The following CFAP251 variants were observed in gnomAD, a reference collection of about 807,000 sequenced individuals.
CFAP251 encodes cilia and flagella associated protein 251, also known as cilia- and flagella-associated protein 251.
Under a neutral mutation model 126.7 loss-of-function variants are expected in CFAP251, and 93 were observed. That is an observed-to-expected ratio of 0.73 (90% confidence interval 0.62 to 0.87). The LOEUF (loss-of-function observed/expected upper bound fraction) is 0.87. Ranked by LOEUF, CFAP251 falls within the 40% of genes least tolerant of loss-of-function variation. The pLI is 0.00. For synonymous variants in CFAP251, 503 were observed against 506.9 expected, an observed-to-expected ratio of 0.99 and a Z score of 0.10; for missense variants, 1,287 against 1,389.2, an observed-to-expected ratio of 0.93 and a Z score of 1.17.
intron 19 of CFAP251, among the ~76,000 whole-genome samples, chr12:121,985,109 G>C (rs1882714642): frequency 6.6e-6 from 1 of 152,174 alleles, no homozygotes; most frequent in Non-Finnish European, 1.5e-5. Flanking sequence ...ATATATTCAG[G>C]AGCTTGGGCA....
Position 121,923,697 on chromosome 12 carries a change from C to A in CFAP251, c.454C>A (p.Leu152Met). The change falls in exon 3 of 22, where the codon CTG becomes ATG. Residue 152 changes from leucine (L) to methionine (M), a missense_variant. Physicochemically the swap from Leu to Met is conservative, Grantham distance 15. Transcript: ENST00000288912. ...DAETDELLRD[L>M]STQIEFLDLD... ...AGAAACAGATGAGCTTTTAAGAGAC[C>A]TGAGCACACAAATTGAATTTCTTGA... The A allele has an allele frequency of 1.2e-6, 2 of 1,614,106 alleles. No homozygotes were observed. Among genetic ancestry groups the A allele is most frequent in the Non-Finnish European group, 1.7e-6 (2 of 1,180,038 alleles).
intron 13 of CFAP251, chr12:121,959,345 G>C (rs1592986068): frequency 2.7e-6 from 1 of 377,322 alleles, no homozygotes; most frequent in East Asian, 4.5e-5. Flanking sequence ...GGAGGCTGAG[G>C]CGGGAGGACC....
chr12:121,981,383 T>C (rs2135804385), intron 19 of CFAP251, among the ~76,000 whole-genome samples: 1 of 152,012 alleles, frequency 6.6e-6, no homozygotes, highest in South Asian at 2.1e-4. Context: ...GGTGGGAGAA[T>C]TGCTTGGGCC....
chr12:121,970,182 G>A (rs560914562), intron 17 of CFAP251, among the ~76,000 whole-genome samples: 2 of 152,178 alleles, frequency 1.3e-5, no homozygotes, highest in African/African-American at 4.8e-5. Flanking sequence ...CTTCTGCCCC[G>A]GGAGAGCCCC....
rs1401162209 is a variant in CFAP251, at chr12:121,957,197, A to G, written c.1659A>G (p.Pro553=). The part of the protein sequence containing the change: ...AIRTLSFSKT[P]ATPPTEKSNY... ...GAACTCTGTCCTTTTCAAAGACCCC[A>G]GCAACTCCTCCTACTGAAAAATCAA... Residue 553 remains proline, a synonymous_variant, in exon 11 of 22, where the codon CCA becomes CCG. Coordinates refer to ENST00000288912, the MANE Select transcript of CFAP251 (RefSeq NM_144668.6). 5.6e-6 allele frequency: 9 copies of G among 1,614,160 alleles called. No individual in the cohort carries two copies. The highest frequency in any genetic ancestry group is 7.6e-6 in the Non-Finnish European group (9 of 1,180,026).
chr12:121,956,140 C>T (rs995768070), intron 10 of CFAP251, among the ~76,000 whole-genome samples: 2 of 152,316 alleles, frequency 1.3e-5, no homozygotes, highest in South Asian at 2.1e-4. Flanking sequence ...CATTTTGTCA[C>T]GTGGCACTGC....
At chr12:121,978,120 C>T (rs1028757825) in intron 19 of CFAP251, among the ~76,000 whole-genome samples, 4 of 150,190 alleles carry the variant, frequency 2.7e-5, no homozygotes, top group South Asian at 2.1e-4. Context: ...AGGCCGGGCG[C>T]GGTGGCTCAC....
intron 8 of CFAP251, chr12:121,950,524 G>A (rs1454106377): frequency 6.6e-6 from 1 of 152,140 alleles, no homozygotes; most frequent in Non-Finnish European, 1.5e-5. Flanking sequence ...CTGATTGTGA[G>A]TGATAGTCAT....
At chr12:121,983,935 C>T (rs1401119478) in intron 19 of CFAP251, among the ~76,000 whole-genome samples, 1 of 152,096 alleles carries the variant, frequency 6.6e-6, no homozygotes, top group Non-Finnish European at 1.5e-5. Flanking sequence ...GAAACTAACC[C>T]AGGCTTTACC....
chr12:122,002,738 A>G (rs1442057366), intron 21 of CFAP251, among the ~76,000 whole-genome samples: 1 of 152,154 alleles, frequency 6.6e-6, no homozygotes, highest in African/African-American at 2.4e-5. Flanking sequence ...CTTTCAGCTC[A>G]GGAGGAACCA....
At chr12:121,924,311 C>T (rs528306492) in intron 3 of CFAP251, among the ~76,000 whole-genome samples, 83 of 151,536 alleles carry the variant, frequency 5.5e-4, no homozygotes, top group African/African-American at 1.8e-3. Context: ...CGTCTCGCCA[C>T]GCCATGTTGG....
intron 5 of CFAP251, among the ~76,000 whole-genome samples, chr12:121,934,597 G>A (rs1009876668): frequency 6.6e-6 from 1 of 152,210 alleles, no homozygotes. Context: ...TTTTTTAGTG[G>A]CTGGTCATGC....
chr12:121,927,783 G>A (rs191969949), intron 3 of CFAP251, among the ~76,000 whole-genome samples: 9 of 152,190 alleles, frequency 5.9e-5, no homozygotes, highest in Admixed American at 2.0e-4. Context: ...CATTGTTCAC[G>A]GTAAATAGAC....
rs1880017693 is a variant in CFAP251, at chr12:121,918,707, C to T, written c.-21+12C>T. Reference sequence around the variant, plus strand: ...TTTTGAAGACCGGGGTGGGTGCTCTCTGTAAGTCCGGGGCGGAGGCCACGC... The same window carrying T: ...TTTTGAAGACCGGGGTGGGTGCTCTTTGTAAGTCCGGGGCGGAGGCCACGC... On this transcript the variant is annotated intron_variant, in intron 1 of 21. Transcript: ENST00000288912. This position sits in a 1 kb window ranked among gnomAD's most constrained non-coding sequence, Gnocchi z 4.3. The T allele has an allele frequency of 6.6e-6, 1 of 152,542 alleles. No homozygotes were observed. Among genetic ancestry groups the T allele is most frequent in the Admixed American group, 6.5e-5 (1 of 15,284 alleles). The allele number at this position is 152,542 out of a possible 1,614,324, so 9.4% of individuals were successfully genotyped here.
In CFAP251 at chr12:121,962,169, AC is replaced by A. The variant is rs1881962343; in HGVS notation, c.2492+10del. 1 of 1,611,188 alleles carries A rather than the reference AC, an allele frequency of 6.2e-7. No individual in the cohort carries two copies. The highest frequency in any genetic ancestry group is 8.5e-7 in the Non-Finnish European group (1 of 1,179,076). ...CTACTACCAAAATGTGCAGGTAAGC[AC>A]CCGGAGCTTCCCATTGCAGGGGGCG... is the stretch of plus-strand genomic sequence containing the variant. On this transcript the variant is annotated splice_region_variant and intron_variant, in intron 15 of 21. Transcript: ENST00000288912.
At chr12:121,951,819 C>T (rs545745288) in intron 9 of CFAP251, among the ~76,000 whole-genome samples, 3 of 152,058 alleles carry the variant, frequency 2.0e-5, no homozygotes, top group Non-Finnish European at 2.9e-5. Flanking sequence ...CCCGGGTTCA[C>T]GCCATTCTTC....
chr12:121,949,170 CA>C, intron 8 of CFAP251, 109 bp downstream of exon 8: 1 of 586,642 alleles, frequency 1.7e-6, no homozygotes, highest in East Asian at 3.2e-5. Flanking sequence ...ACTTAGGAAG[CA>C]ATGAATATAT....
At chr12:121,939,410 A>T (rs896092030) in intron 5 of CFAP251, among the ~76,000 whole-genome samples, 2 of 152,096 alleles carry the variant, frequency 1.3e-5, no homozygotes, top group Admixed American at 6.6e-5. Flanking sequence ...GTATTATCTC[A>T]TGCAGTAGAA....
At chr12:121,992,538 T>C (rs1419281370) in intron 19 of CFAP251, 5 of 945,594 alleles carry the variant, frequency 5.3e-6, no homozygotes, top group Middle Eastern at 1.1e-3. Flanking sequence ...ATATATTACA[T>C]TGGTAATTTA....
Sources: gnomAD v4.1 joint callset for allele counts (sites outside exome capture counted in the v4.1 genomes callset) on GRCh38, gnomAD v4.1.1 for gene constraint, Gnocchi (gnomAD v3.1) non-coding constraint, MANE v1.5 for transcripts, NCBI Gene and HGNC (gene_info 2026-07-23, HGNC 2026-07-21) for gene names.